The following BCAS3 variants were observed in gnomAD, a reference collection of about 807,000 sequenced individuals.
BCAS3 encodes the protein BCAS4/BCAS3 fusion.
Under a neutral mutation model 116.1 loss-of-function variants are expected in BCAS3, and 53 were observed. The ratio of observed to expected loss-of-function variants is 0.46; its 90% CI spans 0.37 to 0.57. The LOEUF (loss-of-function observed/expected upper bound fraction) is 0.57, where lower values mean the gene tolerates loss of function less well. BCAS3 is among the 20% of genes least tolerant of loss of function. The probability of loss-of-function intolerance (pLI) is 0.00; values close to 1 mark genes in which losing one functional copy is unlikely to be tolerated. For synonymous variants in BCAS3, 391 were observed against 408.2 expected (o/e 0.96, Z 0.51); for missense variants, 917 against 1,165.4 (o/e 0.79, Z 3.10).
chr17:61,109,555 A>G (rs1487811510), intron 22 of BCAS3, among the ~76,000 whole-genome samples: 1 of 152,202 alleles, frequency 6.6e-6, no homozygotes, highest in Non-Finnish European at 1.5e-5. Context: ...ACAAGCTTAC[A>G]TTCCCACCAA....
intron 15 of BCAS3, among the ~76,000 whole-genome samples, chr17:61,010,355 A>G (rs893086242): frequency 1.3e-5 from 2 of 152,136 alleles, no homozygotes; most frequent in African/African-American, 4.8e-5. Context: ...TCATTCTCAT[A>G]TATGCAGACA....
In BCAS3 at chr17:61,365,143, AC is replaced by A. The variant is rs1303196307; in HGVS notation, c.2426-3183del. 6.6e-6 allele frequency among the ~76,000 whole-genome samples: 1 copy of A among 152,210 alleles called. No individual in the cohort carries two copies. Among genetic ancestry groups the A allele is most frequent in the Non-Finnish European group, 1.5e-5 (1 of 68,040 alleles). ...ACGCATGCCTGGAATCATACAGCTCACGTGTTAGTCTTTCTTGAAGTCCAGG... is the reference window on the plus strand; with the variant it reads ...ACGCATGCCTGGAATCATACAGCTCAGTGTTAGTCTTTCTTGAAGTCCAGG... On this transcript the variant is annotated intron_variant, in intron 22 of 23. Transcript: ENST00000407086. This position sits in a 1 kb window ranked among gnomAD's most constrained non-coding sequence, Gnocchi z 4.6.
At chr17:60,807,968 C>T in intron 6 of BCAS3, 36 bp from the exon 7 acceptor site, 1 of 1,446,148 alleles carries the variant, frequency 6.9e-7, no homozygotes, top group East Asian at 2.3e-5. Flanking sequence ...AATAATATTC[C>T]TCAAAGCTTA....
intron 22 of BCAS3, among the ~76,000 whole-genome samples, chr17:61,277,050 G>T (rs970699653): frequency 6.6e-6 from 1 of 151,900 alleles, no homozygotes; most frequent in Non-Finnish European, 1.5e-5. Context: ...ATCACTTGAG[G>T]CCAGGAGTTT....
At chr17:61,358,882 T>C (rs1475006561) in intron 22 of BCAS3, among the ~76,000 whole-genome samples, 1 of 152,264 alleles carries the variant, frequency 6.6e-6, no homozygotes, top group African/African-American at 2.4e-5. Context: ...CTCATTCCGT[T>C]CTTACGCGTG....
rs2078212040 is a variant in BCAS3 at position 61,162,246 on chromosome 17, G to A, written c.2425+77682G>A. Among the ~76,000 whole-genome samples the A allele has an allele frequency of 6.6e-6, 1 of 152,158 alleles. No individual in the cohort carries two copies. Among genetic ancestry groups the A allele is most frequent in the Admixed American group, 6.5e-5 (1 of 15,282 alleles). On this transcript the variant is annotated intron_variant, in intron 22 of 23. Coordinates refer to ENST00000407086, the MANE Select transcript of BCAS3 (RefSeq NM_017679.5). This position sits in a 1 kb window ranked among gnomAD's most constrained non-coding sequence, Gnocchi z 5.6. ...CCACGGTTCTTACAGGAGTGGGTATGGTTCACATAGGAAGTGGGAGCCTAG... is the reference window on the plus strand; with the variant it reads ...CCACGGTTCTTACAGGAGTGGGTATAGTTCACATAGGAAGTGGGAGCCTAG...
At chr17:61,173,653 A>G (rs1025059132) in intron 22 of BCAS3, among the ~76,000 whole-genome samples, 11 of 152,150 alleles carry the variant, frequency 7.2e-5, no homozygotes, top group African/African-American at 2.7e-4. Context: ...CTGAGGCTGA[A>G]GGATCACTAG....
chr17:60,930,820 C>T (rs1315003736), intron 13 of BCAS3, among the ~76,000 whole-genome samples: 1 of 151,876 alleles, frequency 6.6e-6, no homozygotes, highest in African/African-American at 2.4e-5. Context: ...ATGTCCTGGA[C>T]AACAAAATCC....
chr17:60,803,742 G>A (rs2048013383), intron 6 of BCAS3, among the ~76,000 whole-genome samples: 3 of 145,856 alleles, frequency 2.1e-5, no homozygotes. Flanking sequence ...ATAATGAAAA[G>A]TTTCTTCTAT....
chr17:60,846,022 A>G lies in BCAS3; in HGVS notation c.477-22554A>G, dbSNP rs571020586. Among the ~76,000 whole-genome samples the G allele has an allele frequency of 2.0e-5, 3 of 151,714 alleles. No individual in the cohort carries two copies. In the South Asian group the frequency reaches 6.2e-4, roughly 32 times the overall value. ...TGGCTCACTGCAGCCCCAACCTTCC[A>G]GGCTCAAGCAATCCTCCCACCTCAG... On this transcript the variant is annotated intron_variant, in intron 7 of 23. Coordinates refer to ENST00000407086, the MANE Select transcript of BCAS3 (RefSeq NM_017679.5).
intron 22 of BCAS3, among the ~76,000 whole-genome samples, chr17:61,277,603 AG>A (rs2144655102): frequency 6.6e-6 from 1 of 151,166 alleles, no homozygotes; most frequent in African/African-American, 2.5e-5. Context: ...ATATCTGATA[AG>A]GGACTTATAT....
rs1204950582 is a variant in BCAS3 at position 60,752,153 on chromosome 17, A to AGG, written c.403+4876_403+4877dup. On this transcript the variant is annotated intron_variant, in intron 6 of 23. Coordinates refer to ENST00000407086, the MANE Select transcript of BCAS3 (RefSeq NM_017679.5). ...TATATGTATTACATGTATTGGCTGA[A>AGG]GGGTGTGTGTGTGTGTGTGTGTGTG... Among the ~76,000 whole-genome samples, 7 of 98,264 alleles carry AGG rather than the reference A, an allele frequency of 7.1e-5. No individual in the cohort carries two copies. In the South Asian group the frequency reaches 2.9e-3, roughly 41 times the overall value. 64.5% of individuals were successfully genotyped at this position (98,264 alleles called of 152,430 possible). A position where few individuals can be genotyped will look rare whatever the true frequency, so the allele number is the denominator to read the frequency against.
At chr17:61,146,656 G>C (rs1405518654) in intron 22 of BCAS3, among the ~76,000 whole-genome samples, 1 of 152,126 alleles carries the variant, frequency 6.6e-6, no homozygotes, top group Non-Finnish European at 1.5e-5. Context: ...TCTAGGCTTT[G>C]CTGGTCCACT....
chr17:61,071,741 T>G (rs1487862494), intron 19 of BCAS3, among the ~76,000 whole-genome samples: 1 of 152,218 alleles, frequency 6.6e-6, no homozygotes, highest in East Asian at 1.9e-4. Flanking sequence ...TACCAATTAT[T>G]ATGAACAGTA....
intron 14 of BCAS3, among the ~76,000 whole-genome samples, chr17:60,981,311 G>A (rs546661828): frequency 3.3e-5 from 5 of 150,848 alleles, no homozygotes; most frequent in Non-Finnish European, 5.9e-5. Flanking sequence ...ACAGGGTCTC[G>A]CTCTGTCACC....
chr17:61,348,369 G>A lies in BCAS3; in HGVS notation c.2426-19958G>A, dbSNP rs550658143. ...TCCAAGTGAGGGTGCTTGGTCTTAC[G>A]CAGATGGTTTTGGAGCCCAGGAGAG... On this transcript the variant is annotated intron_variant, in intron 22 of 23. Coordinates refer to ENST00000407086, the MANE Select transcript of BCAS3 (RefSeq NM_017679.5). The surrounding 1 kb of genome is among the most constrained non-coding windows in gnomAD (Gnocchi z 4.5). Among the ~76,000 whole-genome samples the A allele has an allele frequency of 2.6e-5, 4 of 152,286 alleles. No individual in the cohort carries two copies. The highest frequency in any genetic ancestry group is 1.9e-4 in the East Asian group (1 of 5,190).
chr17:60,867,269 A>G (rs1021028959), intron 7 of BCAS3, among the ~76,000 whole-genome samples: 2 of 151,500 alleles, frequency 1.3e-5, no homozygotes, highest in Admixed American at 1.3e-4. Flanking sequence ...CCATGCCCGG[A>G]TAATTTTTGT....
At chr17:60,945,999 A>G (rs2060472208) in intron 13 of BCAS3, among the ~76,000 whole-genome samples, 1 of 152,056 alleles carries the variant, frequency 6.6e-6, no homozygotes, top group African/African-American at 2.4e-5. Context: ...GGGCGCCTGT[A>G]GTCCCAGCTA....
chr17:60,900,575 A>G (rs1309041603), intron 10 of BCAS3, among the ~76,000 whole-genome samples: 3 of 152,126 alleles, frequency 2.0e-5, no homozygotes, highest in Admixed American at 6.5e-5. Context: ...GTGTATTTGA[A>G]GTGTGATTCT....
Sources: allele counts gnomAD v4.1 joint callset (sites outside exome capture counted in the v4.1 genomes callset), GRCh38; gene constraint gnomAD v4.1.1; non-coding constraint Gnocchi (gnomAD v3.1); transcripts MANE v1.5; gene names NCBI Gene and HGNC (gene_info 2026-07-23, HGNC 2026-07-21).